CDYL: variants seen among roughly 807,000 people sequenced by gnomAD.
CDYL encodes chromodomain Y-like protein.
Under a neutral mutation model 47.3 loss-of-function variants are expected in CDYL, and 8 were observed. The ratio of observed to expected loss-of-function variants is 0.17; its 90% CI spans 0.10 to 0.31. CDYL has a LOEUF of 0.31. Ranked by LOEUF, CDYL falls within the 10% of genes least tolerant of loss-of-function variation. The pLI, the probability that CDYL is intolerant of heterozygous loss-of-function variation, is 1.00. For missense variants in CDYL, 471 were observed against 701.4 expected, an observed-to-expected ratio of 0.67 and a Z score of 3.71; for synonymous variants, 266 against 265.0, an observed-to-expected ratio of 1.00 and a Z score of -0.04.
intron 1 of CDYL, among the ~76,000 whole-genome samples, chr6:4,879,552 GTTTT>G (rs59685693): frequency 4.7e-5 from 5 of 106,184 alleles, no homozygotes; most frequent in South Asian, 3.1e-4. Context: ...TTTTTGTGGG[GTTTT>G]TTTTTTTTTT....
At position 4,936,149 on chromosome 6, in the gene CDYL, T is replaced by A. The variant is rs1361836235; in HGVS notation, c.948+378T>A. Among the ~76,000 whole-genome samples, 7 of 152,352 alleles carry A rather than the reference T, an allele frequency of 4.6e-5. No homozygotes were observed. The East Asian group carries it at 1.3e-3, about 29-fold the overall frequency. On this transcript the variant is annotated intron_variant, in intron 3 of 6. Transcript: ENST00000397588. ...CTTTGCTTTAGCTTTCATCAGATCC[T>A]TAAAGGGTTCTTTGTTCAGACAGAA...
intron 1 of CDYL, among the ~76,000 whole-genome samples, chr6:4,849,925 T>C (rs1481864068): frequency 1.2e-5 from 1 of 80,654 alleles, no homozygotes; most frequent in Admixed American, 1.8e-4. Context: ...GGGGATAGAA[T>C]TGGGGGGAAA....
intron 1 of CDYL, among the ~76,000 whole-genome samples, chr6:4,819,494 A>G (rs1759773564): frequency 6.6e-6 from 1 of 151,940 alleles, no homozygotes; most frequent in African/African-American, 2.4e-5. Context: ...GACAACCTTC[A>G]TGTATTGGGA....
chr6:4,866,102 C>G (rs1025117247), intron 1 of CDYL, among the ~76,000 whole-genome samples: 1 of 152,096 alleles, frequency 6.6e-6, no homozygotes, highest in Non-Finnish European at 1.5e-5. Flanking sequence ...TCTAATCTTA[C>G]GCATTTTGGA....
chr6:4,801,375 T>G (rs1759220243), intron 1 of CDYL, among the ~76,000 whole-genome samples: 1 of 152,224 alleles, frequency 6.6e-6, no homozygotes, highest in Non-Finnish European at 1.5e-5. Context: ...GGAATCAGTT[T>G]CTGTTGACTA....
intron 3 of CDYL, among the ~76,000 whole-genome samples, chr6:4,761,055 TAA>T (rs1298888841): frequency 6.6e-6 from 1 of 152,206 alleles, no homozygotes; most frequent in African/African-American, 2.4e-5. Context: ...AATATTACTC[TAA>T]GACTCTCTTT....
intron 5 of CDYL, among the ~76,000 whole-genome samples, chr6:4,949,485 C>G (rs1178005957): frequency 6.6e-6 from 1 of 152,236 alleles, no homozygotes; most frequent in Non-Finnish European, 1.5e-5. Context: ...ACTAAAAAGA[C>G]ATCTCTATTT....
chr6:4,913,193 C>T (rs982536608), intron 2 of CDYL, among the ~76,000 whole-genome samples: 1 of 152,102 alleles, frequency 6.6e-6, no homozygotes, highest in African/African-American at 2.4e-5. Context: ...TCCCAGTGCT[C>T]GAAATTCGAG....
chr6:4,912,084 G>T (rs890885013), intron 2 of CDYL, among the ~76,000 whole-genome samples: 2 of 152,132 alleles, frequency 1.3e-5, no homozygotes, highest in Non-Finnish European at 2.9e-5. Context: ...CATCCATATG[G>T]AGCTGTAAAA....
rs1758645326 is a variant in CDYL at position 4,782,571 on chromosome 6, A to G, written c.24+5764A>G. On this transcript the variant is annotated intron_variant, in intron 1 of 6. Coordinates refer to ENST00000397588, the MANE Select transcript of CDYL (RefSeq NM_004824.4). ...TAAGCTGGGCAAGGTTTTGGGGTTC[A>G]CGTTCTCTAGGAAGTCTGGGGAGGG... is the stretch of plus-strand genomic sequence containing the variant. Among the ~76,000 whole-genome samples the G allele has an allele frequency of 2.0e-5, 3 of 152,190 alleles. No homozygotes were observed. The South Asian group carries it at 6.2e-4, about 31-fold the overall frequency.
chr6:4,728,169 G>C (rs1044206800), intron 2 of CDYL, among the ~76,000 whole-genome samples: 1 of 152,198 alleles, frequency 6.6e-6, no homozygotes, highest in African/African-American at 2.4e-5. Flanking sequence ...AAATGACTGG[G>C]ACTGTTACTT....
chr6:4,879,552 G>T (rs808631), intron 1 of CDYL, among the ~76,000 whole-genome samples: 2,155 of 106,502 alleles, frequency 0.02, 85 homozygotes, highest in African/African-American at 0.076. Flanking sequence ...TTTTTGTGGG[G>T]TTTTTTTTTT....
intron 1 of CDYL, among the ~76,000 whole-genome samples, chr6:4,805,956 G>A (rs1033695005): frequency 6.6e-5 from 10 of 152,256 alleles, no homozygotes; most frequent in African/African-American, 2.4e-4. Context: ...TCACCAGAGG[G>A]GCTGAAAGGA....
intron 1 of CDYL, among the ~76,000 whole-genome samples, chr6:4,830,388 GA>G (rs1760101677): frequency 6.6e-6 from 1 of 152,170 alleles, no homozygotes; most frequent in African/African-American, 2.4e-5. Flanking sequence ...GGCTGGCATT[GA>G]TAGTTTTCCT....
intron 1 of CDYL, among the ~76,000 whole-genome samples, chr6:4,891,314 C>T (rs1416386329): frequency 6.6e-6 from 1 of 152,152 alleles, no homozygotes; most frequent in South Asian, 2.1e-4. Context: ...TTGCTGTCAC[C>T]ACTCCAGGCT....
rs530028497 is a variant in CDYL at position 4,758,800 on chromosome 6, G to A, written c.186+23956G>A. ...TATTTTTCGATGTATATTTTTGTAC[G>A]GTTGAAACTATACTACATATTTCCT... On this transcript the variant is annotated intron_variant, in intron 3 of 8. Transcript: ENST00000328908. 1.3e-4 allele frequency among the ~76,000 whole-genome samples: 19 copies of A among 151,918 alleles called. No individual in the cohort carries two copies. In the South Asian group the frequency reaches 3.7e-3, roughly 30 times the overall value.
At chr6:4,779,705 A>G (rs1463852208) in intron 1 of CDYL, among the ~76,000 whole-genome samples, 1 of 152,170 alleles carries the variant, frequency 6.6e-6, no homozygotes, top group Non-Finnish European at 1.5e-5. Flanking sequence ...GTAGGTTAGA[A>G]CTTCATAGTT....
chr6:4,778,882 T>A (rs895633879), intron 1 of CDYL, among the ~76,000 whole-genome samples: 1 of 152,156 alleles, frequency 6.6e-6, no homozygotes, highest in Non-Finnish European at 1.5e-5. Context: ...GACAACCCAG[T>A]TAGTGACTTC....
intron 1 of CDYL, among the ~76,000 whole-genome samples, chr6:4,715,286 C>T (rs749386855): frequency 5.6e-5 from 8 of 142,350 alleles, no homozygotes; most frequent in Non-Finnish European, 6.1e-5. Flanking sequence ...GAGGACAAGA[C>T]GCGCCTCCTT....
Sources: gnomAD v4.1 joint callset for allele counts (sites outside exome capture counted in the v4.1 genomes callset) on GRCh38, gnomAD v4.1.1 for gene constraint, MANE v1.5 for transcripts, NCBI Gene and HGNC (gene_info 2026-07-23, HGNC 2026-07-21) for gene names.